The following CCDC91 variants were observed in gnomAD, a reference collection of about 807,000 sequenced individuals.
CCDC91 encodes coiled-coil domain-containing protein 91.
A neutral mutation model predicts 63.2 loss-of-function variants in CCDC91; 48 were observed. The observed-to-expected ratio is 0.76, with a 90% CI of 0.60 to 0.97. The LOEUF (loss-of-function observed/expected upper bound fraction) is 0.97. Among genes scored for constraint, CCDC91 ranks in the 50% least tolerant of loss-of-function variants. CCDC91 has a pLI of 0.00. For synonymous variants in CCDC91, 167 were observed against 165.8 expected (o/e 1.01, Z -0.06); for missense variants, 500 against 494.6 (o/e 1.01, Z -0.10).
At chr12:28,379,061 C>G (rs10506031) in intron 7 of CCDC91, among the ~76,000 whole-genome samples, 59,657 of 151,790 alleles carry the variant, frequency 0.39, 12,245 homozygotes, top group Middle Eastern at 0.49. Flanking sequence ...GGTCCATTAG[C>G]TGATAGTCAA....
chr12:28,362,394 A>C (rs1459298471), intron 6 of CCDC91, 44 bp from the exon 7 acceptor site: 5 of 1,389,686 alleles, frequency 3.6e-6, no homozygotes. Flanking sequence ...TTTGAAAACA[A>C]AACAGAAGAA....
intron 3 of CCDC91, among the ~76,000 whole-genome samples, chr12:28,278,307 C>T (rs1412894003): frequency 6.6e-6 from 1 of 152,050 alleles, no homozygotes; most frequent in Non-Finnish European, 1.5e-5. Context: ...TTCTCTCTCC[C>T]TTCCTCTTAA....
intron 8 of CCDC91, among the ~76,000 whole-genome samples, chr12:28,418,406 A>G (rs1947807569): frequency 6.6e-6 from 1 of 152,180 alleles, no homozygotes; most frequent in Admixed American, 6.6e-5. Context: ...GATGGAAGGT[A>G]GTATTATATA....
At chr12:28,234,732 A>G (rs1019087873) in intron 1 of CCDC91, among the ~76,000 whole-genome samples, 5 of 152,006 alleles carry the variant, frequency 3.3e-5, no homozygotes, top group African/African-American at 1.2e-4. Flanking sequence ...AACTTGTAGC[A>G]TGGATAGTAA....
chr12:28,325,752 A>AG lies in CCDC91; in HGVS notation c.576+18008dup, dbSNP rs1388651402. ...CAGTGTTGCTGAAGCAGAATGAATGAGGGGGAAGTATAATGGGAGGTGAAG... is the reference window on the plus strand; with the variant it reads ...CAGTGTTGCTGAAGCAGAATGAATGAGGGGGGAAGTATAATGGGAGGTGAAG... On this transcript the variant is annotated intron_variant, in intron 6 of 12. Coordinates refer to ENST00000536442, the MANE Select transcript of CCDC91 (RefSeq NM_018318.5). Among the ~76,000 whole-genome samples, 5 of 151,662 alleles carry AG rather than the reference A, an allele frequency of 3.3e-5. No individual in the cohort carries two copies. The South Asian group carries it at 6.2e-4, about 19-fold the overall frequency.
intron 6 of CCDC91, among the ~76,000 whole-genome samples, chr12:28,361,874 T>TGGGAGGGGGGC (rs1192255620): frequency 1.1e-5 from 1 of 94,326 alleles, no homozygotes; most frequent in Non-Finnish European, 2.2e-5. Flanking sequence ...TCTGTGTGTG[T>TGGGAGGGGGGC]GGGAGGGGGG....
intron 6 of CCDC91, among the ~76,000 whole-genome samples, chr12:28,357,357 A>C (rs562437061): frequency 1.3e-5 from 2 of 152,230 alleles, no homozygotes; most frequent in East Asian, 3.9e-4. Context: ...GCTTGGTTGG[A>C]ATATGCTTCC....
chr12:28,544,297 C>T (rs571668836), intron 12 of CCDC91, among the ~76,000 whole-genome samples: 5 of 151,794 alleles, frequency 3.3e-5, no homozygotes, highest in East Asian at 2.0e-4. Flanking sequence ...CCTTGTGTTT[C>T]CAGCTACCTT....
At chr12:28,238,995 T>G (rs980081149) in intron 1 of CCDC91, among the ~76,000 whole-genome samples, 1 of 151,848 alleles carries the variant, frequency 6.6e-6, no homozygotes, top group Non-Finnish European at 1.5e-5. Flanking sequence ...GGTGGGTATC[T>G]GTAATCCCAG....
intron 3 of CCDC91, chr12:28,268,518 A>T: frequency 4.0e-6 from 1 of 247,588 alleles, no homozygotes; most frequent in Non-Finnish European, 6.4e-6. Flanking sequence ...ACTGTTCTAT[A>T]ATGTTAGATT....
chr12:28,484,886 T>A lies in CCDC91; in HGVS notation c.1215+721T>A, dbSNP rs1176929091. Among the ~76,000 whole-genome samples, 22 of 150,158 alleles carry A rather than the reference T, an allele frequency of 1.5e-4. No homozygotes were observed. The Admixed American group carries it at 1.5e-3, about 10-fold the overall frequency. ...ATAATAAAATTTTTCACATGCAGTGTTTTAGGATGTTTATATGTTTAGTAT... is the reference window on the plus strand; with the variant it reads ...ATAATAAAATTTTTCACATGCAGTGATTTAGGATGTTTATATGTTTAGTAT... On this transcript the variant is annotated intron_variant, in intron 12 of 12. Coordinates refer to ENST00000536442, the MANE Select transcript of CCDC91 (RefSeq NM_018318.5).
chr12:28,474,952 T>A (rs755569660), intron 11 of CCDC91, among the ~76,000 whole-genome samples: 5 of 152,016 alleles, frequency 3.3e-5, no homozygotes, highest in African/African-American at 4.8e-5. Context: ...AGGTTTCTTT[T>A]GGGAAGTGGG....
chr12:28,325,283 G>A (rs1940882016), intron 6 of CCDC91, among the ~76,000 whole-genome samples: 1 of 152,020 alleles, frequency 6.6e-6, no homozygotes, highest in Non-Finnish European at 1.5e-5. Context: ...AAGTTGCTCT[G>A]TTAGGAGGTC....
intron 11 of CCDC91, among the ~76,000 whole-genome samples, chr12:28,466,743 C>A (rs1294671996): frequency 1.3e-5 from 2 of 151,994 alleles, no homozygotes; most frequent in African/African-American, 4.8e-5. Context: ...AAGAAAATGA[C>A]CTTTATGAGC....
At chr12:28,538,269 A>G (rs1314088490) in intron 12 of CCDC91, among the ~76,000 whole-genome samples, 1 of 62,296 alleles carries the variant, frequency 1.6e-5, no homozygotes, top group African/African-American at 6.4e-5. Flanking sequence ...CCCCCCCCCC[A>G]CAACAGGCCC....
At chr12:28,508,620 G>A (rs1036376818) in intron 12 of CCDC91, among the ~76,000 whole-genome samples, 3 of 151,826 alleles carry the variant, frequency 2.0e-5, no homozygotes, top group African/African-American at 2.4e-5. Context: ...CCTGTATAGC[G>A]TTCTTGACAT....
chr12:28,504,994 A>G (rs1038046197), intron 12 of CCDC91, among the ~76,000 whole-genome samples: 7 of 151,982 alleles, frequency 4.6e-5, no homozygotes, highest in African/African-American at 1.2e-4. Flanking sequence ...AGCTATTTCC[A>G]ATAGTACTGA....
intron 3 of CCDC91, among the ~76,000 whole-genome samples, chr12:28,262,215 T>C (rs1946865375): frequency 6.6e-6 from 1 of 151,996 alleles, no homozygotes; most frequent in South Asian, 2.1e-4. Context: ...AATTTTCTCC[T>C]TTTTTCCCAC....
chr12:28,484,273 A>G, intron 12 of CCDC91, 108 bp downstream of exon 12: 1 of 516,978 alleles, frequency 1.9e-6, no homozygotes. Flanking sequence ...GTGTCATCTA[A>G]CTTACGGATC....
Sources: allele counts gnomAD v4.1 joint callset (sites outside exome capture counted in the v4.1 genomes callset), GRCh38; gene constraint gnomAD v4.1.1; transcripts MANE v1.5; gene names NCBI Gene and HGNC (gene_info 2026-07-23, HGNC 2026-07-21).